Variants in ACOXL observed in about 807,000 individuals in gnomAD.
ACOXL encodes the protein acyl-CoA oxidase like, also known as acyl-coenzyme A oxidase-like protein.
In ACOXL, 70 loss-of-function variants were observed where a neutral mutation model predicts 71.9. The ratio of observed to expected loss-of-function variants is 0.97; its 90% CI spans 0.80 to 1.19. ACOXL has a LOEUF of 1.19. ACOXL is among the 50% of genes most tolerant of loss of function. The pLI is 0.00. For synonymous variants in ACOXL, 253 were observed against 281.6 expected, an observed-to-expected ratio of 0.90 and a Z score of 1.02; for missense variants, 703 against 736.3, an observed-to-expected ratio of 0.95 and a Z score of 0.52.
chr2:110,968,940 A>G (rs1395152823), intron 12 of ACOXL, among the ~76,000 whole-genome samples: 3 of 152,230 alleles, frequency 2.0e-5, no homozygotes, highest in Non-Finnish European at 4.4e-5. Context: ...AAAACTCAGC[A>G]AATTTAAAGG....
At chr2:111,001,047 A>G (rs11887615) in intron 14 of ACOXL, among the ~76,000 whole-genome samples, 11,835 of 152,302 alleles carry the variant, frequency 0.078, 1,509 homozygotes, top group African/African-American at 0.27. Flanking sequence ...AAATTCTTTA[A>G]GAACCGAAAA....
At chr2:110,892,642 C>T (rs974205494) in intron 10 of ACOXL, among the ~76,000 whole-genome samples, 5 of 152,016 alleles carry the variant, frequency 3.3e-5, no homozygotes, top group African/African-American at 1.2e-4. Context: ...ATTCTGTTGC[C>T]AGCAAAACAG....
intron 12 of ACOXL, among the ~76,000 whole-genome samples, chr2:110,977,354 A>C (rs1004171377): frequency 4.0e-5 from 6 of 151,806 alleles, no homozygotes; most frequent in African/African-American, 1.5e-4. Flanking sequence ...ACTGCACCCC[A>C]GCCTGGGTGA....
chr2:110,871,050 C>A (rs193102015), intron 10 of ACOXL, among the ~76,000 whole-genome samples: 8 of 152,260 alleles, frequency 5.3e-5, no homozygotes, highest in African/African-American at 1.4e-4. Context: ...ACCTTATTAC[C>A]TACTTTTCAG....
At chr2:110,919,571 A>C (rs1180217109) in intron 11 of ACOXL, among the ~76,000 whole-genome samples, 5 of 152,138 alleles carry the variant, frequency 3.3e-5, no homozygotes. Context: ...AAAAAATAAA[A>C]ATCACACTTT....
intron 17 of ACOXL, among the ~76,000 whole-genome samples, chr2:111,114,661 A>C (rs1370285321): frequency 6.6e-6 from 1 of 152,106 alleles, no homozygotes; most frequent in Admixed American, 6.6e-5. Context: ...TCCCACCCTG[A>C]ACATCTATTA....
intron 1 of ACOXL, among the ~76,000 whole-genome samples, chr2:110,745,962 T>G (rs1411408740): frequency 6.6e-6 from 1 of 152,186 alleles, no homozygotes; most frequent in African/African-American, 2.4e-5. Context: ...CACCTCCTGT[T>G]AGTGTGTATC....
At chr2:110,790,826 C>T (rs1190187316) in intron 3 of ACOXL, among the ~76,000 whole-genome samples, 2 of 152,218 alleles carry the variant, frequency 1.3e-5, no homozygotes, top group Non-Finnish European at 2.9e-5. Context: ...TGGCTCCTCC[C>T]AGCCCCTCCT....
At chr2:110,847,673 T>C (rs769362824) in intron 10 of ACOXL, among the ~76,000 whole-genome samples, 64 of 152,214 alleles carry the variant, frequency 4.2e-4, no homozygotes, top group Non-Finnish European at 6.5e-4. Context: ...TCTGGCATCC[T>C]GTTCAGGCCT....
chr2:110,816,660 G>A (rs889438571), intron 9 of ACOXL, among the ~76,000 whole-genome samples: 4 of 152,194 alleles, frequency 2.6e-5, no homozygotes, highest in African/African-American at 9.7e-5. Context: ...TATTCTAGGT[G>A]GATGATACAC....
chr2:110,974,305 C>A (rs2149497435), intron 12 of ACOXL, among the ~76,000 whole-genome samples: 1 of 152,332 alleles, frequency 6.6e-6, no homozygotes, highest in Middle Eastern at 3.4e-3. Flanking sequence ...CTTTCAAGAT[C>A]CTGAAGGTGC....
At chr2:111,047,253 T>C (rs1381654695) in intron 15 of ACOXL, among the ~76,000 whole-genome samples, 2 of 152,118 alleles carry the variant, frequency 1.3e-5, no homozygotes, top group Non-Finnish European at 1.5e-5. Flanking sequence ...ACGAAAAGTA[T>C]CATAGTGGAG....
intron 11 of ACOXL, among the ~76,000 whole-genome samples, chr2:110,921,538 T>C (rs1395332522): frequency 6.6e-6 from 1 of 151,876 alleles, no homozygotes; most frequent in African/African-American, 2.4e-5. Context: ...GGACTACAGG[T>C]GCCTGCCACC....
At chr2:111,078,868 A>G (rs1404677721) in intron 16 of ACOXL, among the ~76,000 whole-genome samples, 2 of 152,192 alleles carry the variant, frequency 1.3e-5, no homozygotes, top group Non-Finnish European at 2.9e-5. Context: ...TTAGCAGGCT[A>G]TGTACCTGGT....
intron 9 of ACOXL, among the ~76,000 whole-genome samples, chr2:110,823,371 A>G (rs1387575876): frequency 6.6e-6 from 1 of 152,172 alleles, no homozygotes; most frequent in African/African-American, 2.4e-5. Flanking sequence ...CCATGGAAGG[A>G]TATCTCGGTT....
intron 11 of ACOXL, among the ~76,000 whole-genome samples, chr2:110,926,048 A>C (rs2060257054): frequency 6.6e-6 from 1 of 152,088 alleles, no homozygotes; most frequent in African/African-American, 2.4e-5. Context: ...GAGCAGTCAG[A>C]ACACACACAT....
At position 110,933,402 on chromosome 2, in the gene ACOXL, C is replaced by G. The variant is rs148730335; in HGVS notation, c.906-87C>G. The G allele has an allele frequency of 3.4e-4, 498 of 1,448,148 alleles. 3 individuals carry two copies. In the East Asian group the frequency reaches 5.2e-3, roughly 15 times the overall value. 89.7% of individuals were successfully genotyped at this position (1,448,148 alleles called of 1,614,324 possible). A position where few individuals can be genotyped will look rare whatever the true frequency, so the allele number is the denominator to read the frequency against. ...GACATCATATTCTTTCCTCAAATAGCGTTATAGCACTTCACAGATAATGCT... is the reference window on the plus strand; with the variant it reads ...GACATCATATTCTTTCCTCAAATAGGGTTATAGCACTTCACAGATAATGCT... On this transcript the variant is annotated intron_variant, in intron 11 of 17. Transcript: ENST00000439055.
intron 14 of ACOXL, among the ~76,000 whole-genome samples, chr2:111,019,986 G>A (rs558232654): frequency 3.9e-5 from 6 of 152,112 alleles, no homozygotes; most frequent in Middle Eastern, 3.4e-3. Flanking sequence ...TCAGCCTCCC[G>A]AGTAAATGGG....
chr2:110,948,180 G>A (rs2061183936), intron 12 of ACOXL, among the ~76,000 whole-genome samples: 1 of 152,198 alleles, frequency 6.6e-6, no homozygotes, highest in African/African-American at 2.4e-5. Context: ...CTGCAACCTA[G>A]CACAATGATA....
Sources: gnomAD v4.1 joint callset for allele counts (sites outside exome capture counted in the v4.1 genomes callset) on GRCh38, gnomAD v4.1.1 for gene constraint, MANE v1.5 for transcripts, NCBI Gene and HGNC (gene_info 2026-07-23, HGNC 2026-07-21) for gene names.